GRHL2: variants seen among roughly 807,000 people sequenced by gnomAD.
The protein encoded by GRHL2 is grainyhead-like protein 2 homolog.
GRHL2 carries 21 observed loss-of-function variants against 83.8 expected under a neutral mutation model. The ratio of observed to expected loss-of-function variants is 0.25; its 90% CI spans 0.18 to 0.36. GRHL2 has a LOEUF of 0.36. Ranked by LOEUF, GRHL2 falls within the 10% of genes least tolerant of loss-of-function variation. The pLI, the probability that GRHL2 is intolerant of heterozygous loss-of-function variation, is 1.00. For missense variants in GRHL2, 623 were observed against 781.8 expected, an observed-to-expected ratio of 0.80 and a Z score of 2.42; for synonymous variants, 280 against 278.9, an observed-to-expected ratio of 1.00 and a Z score of -0.04.
intron 1 of GRHL2, among the ~76,000 whole-genome samples, chr8:101,502,423 T>C (rs12679638): frequency 0.048 from 7,297 of 152,246 alleles, 248 homozygotes; most frequent in East Asian, 0.17. Context: ...CTGATTCAGA[T>C]GGCAGACTTT....
chr8:101,513,279 T>C (rs997942288), intron 1 of GRHL2, among the ~76,000 whole-genome samples: 11 of 152,020 alleles, frequency 7.2e-5, no homozygotes, highest in Non-Finnish European at 1.2e-4. Context: ...CTTGGGTAAA[T>C]TACTTAATTT....
At chr8:101,539,503 C>T (rs1158867450) in intron 1 of GRHL2, among the ~76,000 whole-genome samples, 2 of 152,142 alleles carry the variant, frequency 1.3e-5, no homozygotes, top group Non-Finnish European at 2.9e-5. Flanking sequence ...GGGCCCACCA[C>T]CTCTGCTACC....
At chr8:101,598,146 A>G (rs1215866766) in intron 7 of GRHL2, among the ~76,000 whole-genome samples, 2 of 152,202 alleles carry the variant, frequency 1.3e-5, no homozygotes, top group Non-Finnish European at 2.9e-5. Flanking sequence ...GAAGAAAAAG[A>G]AATACATAGT....
At chr8:101,561,290 CCT>C (rs1412583406) in intron 4 of GRHL2, among the ~76,000 whole-genome samples, 41 of 152,188 alleles carry the variant, frequency 2.7e-4, no homozygotes, top group Middle Eastern at 6.8e-3. Context: ...CACTGGGATT[CCT>C]CTGCTTCTAG....
In GRHL2 at chr8:101,666,661, G is replaced by A. The variant is rs201346001; in HGVS notation, c.1836G>A (p.Glu612=). 94 of 1,613,596 alleles carry A rather than the reference G, an allele frequency of 5.8e-5. No homozygotes were observed. In the East Asian group the frequency reaches 1.9e-3, roughly 32 times the overall value. The change falls in exon 16 of 16, where the codon GAG becomes GAA. Residue 612 remains glutamate (E), a synonymous_variant. Coordinates refer to ENST00000646743, the MANE Select transcript of GRHL2 (RefSeq NM_024915.4). ...SNEDTFILNM[E]SMVEGFKVTL... ...AGGACACCTTCATCCTCAACATGGA[G>A]AGCATGGTGGAGGGCTTCAAGGTCA...
chr8:101,660,782 C>A (rs568295850), intron 14 of GRHL2, among the ~76,000 whole-genome samples: 3 of 152,288 alleles, frequency 2.0e-5, no homozygotes, highest in African/African-American at 7.2e-5. Flanking sequence ...CAGTGCCTTC[C>A]AGCTCCGCTC....
At chr8:101,515,706 A>G (rs1295794708) in intron 1 of GRHL2, among the ~76,000 whole-genome samples, 1 of 152,126 alleles carries the variant, frequency 6.6e-6, no homozygotes, top group Non-Finnish European at 1.5e-5. Flanking sequence ...TGCACCTAAG[A>G]GGTCAGCTTG....
At chr8:101,678,252 G>A in the GRHL2 span, among the ~76,000 whole-genome samples, 7 of 152,310 alleles carry the variant, frequency 4.6e-5, no homozygotes, top group South Asian at 2.1e-4. Flanking sequence ...AAAGCAGGGC[G>A]AGGCATTGCC....
In GRHL2 at chr8:101,593,198, G is replaced by A. The variant is rs982342673; in HGVS notation, c.1004-5859G>A. 2.5e-4 allele frequency among the ~76,000 whole-genome samples: 38 copies of A among 151,884 alleles called. 1 individual carries two copies. The highest frequency in any genetic ancestry group is 2.7e-4 in the African/African-American group (11 of 41,354). On this transcript the variant is annotated intron_variant, in intron 7 of 15. Transcript: ENST00000646743. The stretch of plus-strand genomic sequence containing the variant: ...TGACCTCAGATGATCCACCTGTCTC[G>A]GCCTCCCAAAGTGTTAGGATTACAG...
At chr8:101,638,927 G>T (rs1029543684) in intron 12 of GRHL2, among the ~76,000 whole-genome samples, 1 of 152,212 alleles carries the variant, frequency 6.6e-6, no homozygotes, top group Non-Finnish European at 1.5e-5. Flanking sequence ...CCTTGGGCCA[G>T]CTCCTTGATC....
intron 7 of GRHL2, among the ~76,000 whole-genome samples, chr8:101,591,533 T>C (rs1262188354): frequency 1.3e-5 from 2 of 152,172 alleles, no homozygotes; most frequent in African/African-American, 4.8e-5. Flanking sequence ...TAGTAGCCAT[T>C]GTAGGACATA....
intron 7 of GRHL2, among the ~76,000 whole-genome samples, chr8:101,588,581 G>A (rs1384141798): frequency 6.6e-6 from 1 of 152,224 alleles, no homozygotes; most frequent in Non-Finnish European, 1.5e-5. Context: ...CCAGGGGTAA[G>A]TGGGAAGCTT....
chr8:101,678,688 C>G, the GRHL2 span, among the ~76,000 whole-genome samples: 1 of 151,444 alleles, frequency 6.6e-6, no homozygotes, highest in Non-Finnish European at 1.5e-5. Context: ...CCCTGTCTGA[C>G]AGCTTTGAAG....
In GRHL2 at chr8:101,636,316, T is replaced by C. The variant is rs111759448; in HGVS notation, c.1486-581T>C. 6.0e-3 allele frequency among the ~76,000 whole-genome samples: 911 copies of C among 152,302 alleles called. 8 individuals carry two copies. The highest frequency in any genetic ancestry group is 0.02 in the African/African-American group (819 of 41,552). On this transcript the variant is annotated intron_variant, in intron 11 of 15. Transcript: ENST00000646743. ...ACACCTTCCAGAGCTAAATGACCTT[T>C]CCTGGCCTGAAGACTGTTGACTCCC... is the stretch of plus-strand genomic sequence containing the variant.
chr8:101,573,870 C>T lies in GRHL2; in HGVS notation c.891+46C>T, dbSNP rs762831031. 66 of 1,597,128 alleles carry T rather than the reference C, an allele frequency of 4.1e-5. 1 individual carries two copies. The highest frequency in any genetic ancestry group is 1.0e-4 in the Admixed American group (6 of 59,950). On this transcript the variant is annotated intron_variant, in intron 6 of 15. Coordinates refer to ENST00000646743, the MANE Select transcript of GRHL2 (RefSeq NM_024915.4). ...ATAAAGTACAAAGGAATCCGATGAA[C>T]GGAATGGCTACCTCACAGCCTTGTG...
chr8:101,558,581 C>T lies in GRHL2; in HGVS notation c.447C>T (p.Ile149=). 6.2e-7 allele frequency: 1 copy of T among 1,614,174 alleles called. No homozygotes were observed. The highest frequency in any genetic ancestry group is 8.5e-7 in the Non-Finnish European group (1 of 1,180,024). ...TCAGCTTCCCCGAGAGCTCTGCCAT[C>T]ATCCCGGTGTCGGGAATCACGGTGG... ...YSISFPESSA[I]IPVSGITVVK... The change falls in exon 4 of 16, where the codon ATC becomes ATT. Residue 149 remains isoleucine, a synonymous_variant. Coordinates refer to ENST00000646743, the MANE Select transcript of GRHL2 (RefSeq NM_024915.4).
At chr8:101,565,144 T>C (rs1434432466) in intron 4 of GRHL2, among the ~76,000 whole-genome samples, 1 of 152,142 alleles carries the variant, frequency 6.6e-6, no homozygotes, top group African/African-American at 2.4e-5. Context: ...ATTTTACAGA[T>C]GAAGAGACAG....
At chr8:101,641,351 C>T (rs1235498809) in intron 12 of GRHL2, among the ~76,000 whole-genome samples, 1 of 152,040 alleles carries the variant, frequency 6.6e-6, no homozygotes, top group Non-Finnish European at 1.5e-5. Flanking sequence ...GTAGGGCATT[C>T]ATGGTAACCG....
chr8:101,631,239 C>T (rs534734555), intron 9 of GRHL2, among the ~76,000 whole-genome samples: 1 of 152,342 alleles, frequency 6.6e-6, no homozygotes, highest in African/African-American at 2.4e-5. Flanking sequence ...TTAAAGCCCT[C>T]TCCATGCCTA....
Sources: gnomAD v4.1 joint callset for allele counts (sites outside exome capture counted in the v4.1 genomes callset) on GRCh38, gnomAD v4.1.1 for gene constraint, MANE v1.5 for transcripts, NCBI Gene and HGNC (gene_info 2026-07-23, HGNC 2026-07-21) for gene names.